The following GCLC variants were observed in gnomAD, a reference collection of about 807,000 sequenced individuals.
GCLC encodes the protein glutamate-cysteine ligase catalytic subunit, also known as glutamate--cysteine ligase catalytic subunit.
In GCLC, 30 loss-of-function variants were observed where a neutral mutation model predicts 81.5. That is an observed-to-expected ratio of 0.37 (90% CI 0.28 to 0.50). The LOEUF is 0.50. Among genes scored for constraint, GCLC ranks in the 20% least tolerant of loss-of-function variants. The pLI is 0.96. For missense variants in GCLC, 556 were observed against 777.4 expected (o/e 0.72, Z 3.39); for synonymous variants, 262 against 273.3 (o/e 0.96, Z 0.41).
chr6:53,498,143 C>A lies in GCLC; in HGVS notation c.*613G>T, dbSNP rs1248095800. 2 of 152,616 alleles carry A rather than the reference C, an allele frequency of 1.3e-5. No homozygotes were observed. Among genetic ancestry groups the A allele is most frequent in the Non-Finnish European group, 2.9e-5 (2 of 68,142 alleles). 9.5% of individuals were successfully genotyped at this position (152,616 alleles called of 1,614,324 possible). A position where few individuals can be genotyped will look rare whatever the true frequency, so the allele number is the denominator to read the frequency against. On this transcript the variant is annotated 3_prime_UTR_variant, in exon 16 of 16. Coordinates refer to ENST00000650454, the MANE Select transcript of GCLC (RefSeq NM_001498.4). The stretch of plus-strand genomic sequence containing the variant: ...GAAAAGTTCCTTTGATAACAGCCAT[C>A]AGAGTTCAATGGGTATTTATTCAGA...
chr6:53,531,102 A>G (rs1763164506), intron 1 of GCLC, among the ~76,000 whole-genome samples: 1 of 152,194 alleles, frequency 6.6e-6, no homozygotes, highest in Non-Finnish European at 1.5e-5. Flanking sequence ...CAATGCATGT[A>G]AAGTGCTAAA....
chr6:53,520,715 T>G, intron 3 of GCLC, 63 bp downstream of exon 3: 2 of 1,395,664 alleles, frequency 1.4e-6, no homozygotes, highest in South Asian at 1.2e-5. Flanking sequence ...GGGTCGTGAC[T>G]TGCTCTTTTC....
chr6:53,505,140 T>C (rs754344522), intron 12 of GCLC: 4 of 448,034 alleles, frequency 8.9e-6, no homozygotes, highest in Non-Finnish European at 1.6e-5. Context: ...AACATTGTAA[T>C]CAACCTGGGA....
intron 12 of GCLC, chr6:53,500,834 C>T: frequency 2.5e-6 from 1 of 404,820 alleles, no homozygotes; most frequent in South Asian, 2.2e-5. Context: ...GTTGGGAGGG[C>T]AGGTGGCTGG....
rs772414907 is a variant in GCLC at position 53,522,532 on chromosome 6, T to G, written c.151-5A>C. The G allele has an allele frequency of 6.4e-7, 1 of 1,552,244 alleles. No individual in the cohort carries two copies. Among genetic ancestry groups the G allele is most frequent in the Non-Finnish European group, 8.9e-7 (1 of 1,124,074 alleles). On this transcript the variant is annotated splice_polypyrimidine_tract_variant and splice_region_variant and intron_variant, in intron 1 of 15. Transcript: ENST00000650454. ...AGATACCAACATGTATTCCACCTAT[T>G]GAAAATAAAGGTGAGAAAAATTAAC... is the stretch of plus-strand genomic sequence containing the variant.
Position 53,514,307 on chromosome 6 carries a change from A to G in GCLC, c.650T>C (p.Phe217Ser), listed in dbSNP as rs1764817950. 1.9e-6 allele frequency: 3 copies of G among 1,597,148 alleles called. No individual in the cohort carries two copies. Among genetic ancestry groups the G allele is most frequent in the Non-Finnish European group, 2.6e-6 (3 of 1,164,578 alleles). Residue 217 changes from phenylalanine to serine, a missense_variant, in exon 6 of 16, where the codon TTT becomes TCT. By Grantham distance (155) the Phe-to-Ser change is radical (BLOSUM62 -2). This residue lies in a region of GCLC where 234 missense variants were observed against 303.8 expected (regional missense o/e 0.77). Coordinates refer to ENST00000650454, the MANE Select transcript of GCLC (RefSeq NM_001498.4). Reference sequence around the variant, plus strand: ...ATCATCCTCAGTAAATGTTTCTATAAATGGAGATGGTGTATTCTTGTCCTT... The same window carrying G: ...ATCATCCTCAGTAAATGTTTCTATAGATGGAGATGGTGTATTCTTGTCCTT... The part of the protein sequence containing the change: ...IFKDKNTPSP[F>S]IETFTEDDEA...
intron 6 of GCLC, chr6:53,509,903 C>G (rs532545254): frequency 6.5e-6 from 1 of 153,372 alleles, no homozygotes; most frequent in Non-Finnish European, 1.4e-5. Context: ...CTGCTTGCCT[C>G]GGCCTCCCAA....
intron 8 of GCLC, 22 bp downstream of exon 8, chr6:53,508,573 A>G: frequency 7.2e-7 from 1 of 1,384,968 alleles, no homozygotes; most frequent in Non-Finnish European, 1.0e-6. Flanking sequence ...TAAAAGGGCT[A>G]TTAAGGAAAA....
chr6:53,515,969 T>C, intron 4 of GCLC, 140 bp downstream of exon 4: 1 of 669,798 alleles, frequency 1.5e-6, no homozygotes, highest in Non-Finnish European at 2.8e-6. Flanking sequence ...GGTGCACATC[T>C]GCTATCTTCT....
At chr6:53,512,273 T>C (rs1764768879) in intron 6 of GCLC, among the ~76,000 whole-genome samples, 1 of 152,178 alleles carries the variant, frequency 6.6e-6, no homozygotes, top group Admixed American at 6.5e-5. Flanking sequence ...AAGTGATTCC[T>C]GAAAAGCCCC....
intron 1 of GCLC, among the ~76,000 whole-genome samples, chr6:53,538,093 T>C (rs1182861008): frequency 1.3e-5 from 2 of 151,094 alleles, no homozygotes; most frequent in Non-Finnish European, 1.5e-5. Context: ...AATAGGATCA[T>C]ACACTTATTC....
rs764208333 is a variant in GCLC at position 53,498,711 on chromosome 6, C to A, written c.*45G>T. The A allele has an allele frequency of 8.4e-7, 1 of 1,184,184 alleles. No homozygotes were observed. The highest frequency in any genetic ancestry group is 1.2e-5 in the South Asian group (1 of 82,248). 73.4% of individuals were successfully genotyped at this position (1,184,184 alleles called of 1,614,324 possible). On this transcript the variant is annotated 3_prime_UTR_variant, in exon 16 of 16. Transcript: ENST00000650454. ...CACGGGCTGGCTGAGAGGCATGGTA[C>A]TGTAGCCAGTTCGTCAATAATGCAT...
chr6:53,544,219 T>C (rs1229043218), intron 1 of GCLC, among the ~76,000 whole-genome samples: 1 of 152,222 alleles, frequency 6.6e-6, no homozygotes, highest in Non-Finnish European at 1.5e-5. Context: ...CACTTTTTCA[T>C]GCTCACGCCC....
In GCLC at chr6:53,532,066, G is replaced by A. The variant is rs146076175; in HGVS notation, c.151-9539C>T. Among the ~76,000 whole-genome samples, 988 of 152,290 alleles carry A rather than the reference G, an allele frequency of 6.5e-3. 14 individuals carry two copies. Among genetic ancestry groups the A allele is most frequent in the African/African-American group, 0.023 (946 of 41,550 alleles). ...ATTACCCAAAACTTACCCCTTTAGAGCATATGTTTTCTTTAAAAAGTTTAC... is the reference window on the plus strand; with the variant it reads ...ATTACCCAAAACTTACCCCTTTAGAACATATGTTTTCTTTAAAAAGTTTAC... On this transcript the variant is annotated intron_variant, in intron 1 of 15. Coordinates refer to ENST00000650454, the MANE Select transcript of GCLC (RefSeq NM_001498.4).
intron 12 of GCLC, among the ~76,000 whole-genome samples, chr6:53,503,568 A>G (rs1234903476): frequency 6.6e-6 from 1 of 152,138 alleles, no homozygotes; most frequent in Non-Finnish European, 1.5e-5. Context: ...CTAGCATTTA[A>G]TGTTGCAAAT....
At chr6:53,514,372 A>C in intron 5 of GCLC, 35 bp from the exon 6 acceptor site, 1 of 1,591,162 alleles carries the variant, frequency 6.3e-7, no homozygotes. Flanking sequence ...AAAATGGTTT[A>C]GAATCCAGGA....
At chr6:53,500,595 A>G in intron 12 of GCLC, 82 bp from the exon 13 acceptor site, 2 of 923,934 alleles carry the variant, frequency 2.2e-6, no homozygotes, top group South Asian at 1.3e-5. Context: ...CACCTTTGCA[A>G]TTAGGACTCA....
In GCLC at chr6:53,520,767, T is replaced by G. The variant is rs1276274925; in HGVS notation, c.446+11A>C. The G allele has an allele frequency of 1.9e-6, 3 of 1,609,950 alleles. No homozygotes were observed. Among genetic ancestry groups the G allele is most frequent in the African/African-American group, 2.7e-5 (2 of 74,866 alleles). ...AGAGATCTGCTGGGGCATGTTAATA[T>G]AGGAACTAACCTGGGAAATGAAGTT... On this transcript the variant is annotated intron_variant, in intron 3 of 15. Coordinates refer to ENST00000650454, the MANE Select transcript of GCLC (RefSeq NM_001498.4).
At chr6:53,511,202 G>C (rs201203090) in intron 6 of GCLC, among the ~76,000 whole-genome samples, 3 of 40,194 alleles carry the variant, frequency 7.5e-5, no homozygotes, top group Admixed American at 7.4e-4. Context: ...AAAAAAAAGT[G>C]GGGGGGGGGT....
Sources: allele counts gnomAD v4.1 joint callset (sites outside exome capture counted in the v4.1 genomes callset), GRCh38; gene constraint gnomAD v4.1.1; regional missense constraint gnomAD v4.1.1; transcripts MANE v1.5; gene names NCBI Gene and HGNC (gene_info 2026-07-23, HGNC 2026-07-21).